The following BRD2 variants were observed in gnomAD, a reference collection of about 807,000 sequenced individuals.
BRD2 encodes bromodomain containing 2.
A neutral mutation model predicts 79.1 loss-of-function variants in BRD2; 15 were observed. The ratio of observed to expected loss-of-function variants is 0.19; its 90% CI spans 0.13 to 0.29. The LOEUF (loss-of-function observed/expected upper bound fraction) is 0.29. Ranked by LOEUF, BRD2 falls within the 10% of genes least tolerant of loss-of-function variation. The pLI is 1.00. For missense variants in BRD2, 1,053 were observed against 991.3 expected (o/e 1.06, Z -0.84); for synonymous variants, 488 against 358.6 (o/e 1.36, Z -4.08).
rs906795313 is a variant in BRD2, at chr6:32,978,113, T to A, written c.1579-13T>A. The A allele has an allele frequency of 1.9e-6, 3 of 1,595,398 alleles. No individual in the cohort carries two copies. The highest frequency in any genetic ancestry group is 2.3e-5 in the South Asian group (2 of 87,786). ...TTATTTACTTTTTCCACTTCATGTT[T>A]TTTTTCCTTTAGCTTCGGGCAGTAC... On this transcript the variant is annotated splice_polypyrimidine_tract_variant and intron_variant, in intron 9 of 12. Transcript: ENST00000374825.
rs1355949033 is a variant in BRD2 at position 32,978,134 on chromosome 6, A to T, written c.1587A>T (p.Ala529=). 1 of 1,608,422 alleles carries T rather than the reference A, an allele frequency of 6.2e-7. No individual in the cohort carries two copies. Among genetic ancestry groups the T allele is most frequent in the East Asian group, 2.2e-5 (1 of 44,854 alleles). ...RLAELQEQLR[A]VHEQLAALSQ... ...TGTTTTTTTTCCTTTAGCTTCGGGC[A>T]GTACATGAACAACTGGCTGCTCTGT... The change falls in exon 10 of 13, where the codon GCA becomes GCT. Residue 529 remains alanine, a synonymous_variant. Transcript: ENST00000374825.
chr6:32,973,216 G>A (rs1778268308), intron 2 of BRD2: 2 of 1,465,062 alleles, frequency 1.4e-6, no homozygotes, highest in Non-Finnish European at 1.8e-6. Context: ...GTGGAGTGAG[G>A]TTGAACAGCA....
In BRD2 at chr6:32,971,618, C is replaced by T; in HGVS notation, c.-1281C>T. ...AGATTCTTCGCTGCTGCTGCCTTACCGCCGAGAACCACCACCCGCCAGGCG... is the reference window on the plus strand; with the variant it reads ...AGATTCTTCGCTGCTGCTGCCTTACTGCCGAGAACCACCACCCGCCAGGCG... On this transcript the variant is annotated 5_prime_UTR_variant, in exon 2 of 13. Transcript: ENST00000374825. 2.2e-6 allele frequency: 1 copy of T among 448,794 alleles called. No homozygotes were observed. The allele number at this position is 448,794 out of a possible 1,614,324, so 27.8% of individuals were successfully genotyped here.
chr6:32,975,357 G>C, intron 3 of BRD2, 27 bp from the exon 4 acceptor site: 1 of 1,574,258 alleles, frequency 6.4e-7, no homozygotes, highest in Non-Finnish European at 8.7e-7. Flanking sequence ...TTTTTCTGTG[G>C]TTCTGACCTA....
intron 5 of BRD2, 32 bp from the exon 6 acceptor site, chr6:32,976,218 G>C (rs201759454): frequency 2.7e-5 from 44 of 1,610,818 alleles, no homozygotes; most frequent in Middle Eastern, 1.6e-4. Flanking sequence ...ATGGGGAAGA[G>C]AATCAAACTA....
chr6:32,977,613 A>G, intron 8 of BRD2, 43 bp downstream of exon 8: 1 of 1,610,264 alleles, frequency 6.2e-7, no homozygotes, highest in Non-Finnish European at 8.5e-7. Context: ...TGGTATGGGG[A>G]GTTATTTTGT....
intron 3 of BRD2, 47 bp downstream of exon 3, chr6:32,974,812 G>A (rs1200952796): frequency 1.9e-6 from 3 of 1,588,194 alleles, no homozygotes; most frequent in East Asian, 2.2e-5. Flanking sequence ...GAGCAAGAAT[G>A]CGTGTGAATG....
intron 11 of BRD2, 88 bp downstream of exon 11, chr6:32,980,220 C>G (rs1779338887): frequency 6.4e-7 from 1 of 1,574,604 alleles, no homozygotes; most frequent in Non-Finnish European, 8.6e-7. Flanking sequence ...TTGTCAGCTC[C>G]CAGGATAATG....
In BRD2 at chr6:32,976,686, G is replaced by C; in HGVS notation, c.950G>C (p.Arg317Pro). 1 of 1,613,160 alleles carries C rather than the reference G, an allele frequency of 6.2e-7. No homozygotes were observed. ...EPKAARLPPMRRESGRPIKPP... is the reference protein window; with the variant it reads ...EPKAARLPPMPRESGRPIKPP... Reference sequence around the variant, plus strand: ...AAGGCAGCACGGCTTCCCCCTATGCGTAGAGAGAGTGGTCGCCCCATCAAG... The same window carrying C: ...AAGGCAGCACGGCTTCCCCCTATGCCTAGAGAGAGTGGTCGCCCCATCAAG... Residue 317 changes from arginine to proline, a missense_variant, in exon 7 of 13, where the codon CGT (arginine) becomes CCT (proline). Arg to Pro is a moderately radical substitution (Grantham distance 103, BLOSUM62 -2). Transcript: ENST00000374825.
At position 32,981,174 on chromosome 6, in the gene BRD2, A is replaced by AT. The variant is rs3841159; in HGVS notation, c.*467dup. ...AAGGGGGAGCTCTTTTTTTACGTTG[A>AT]TTTTTTTTTTTCTACTCTGTTTTCC... On this transcript the variant is annotated 3_prime_UTR_variant, in exon 13 of 13. Coordinates refer to ENST00000374825, the MANE Select transcript of BRD2 (RefSeq NM_005104.4). 6,742 of 149,402 alleles carry AT rather than the reference A, an allele frequency of 0.045. 165 individuals carry two copies. Among genetic ancestry groups the AT allele is most frequent in the Non-Finnish European group, 0.061 (4,126 of 67,990 alleles). The allele number at this position is 149,402 out of a possible 1,614,324, so 9.3% of individuals were successfully genotyped here. A position where few individuals can be genotyped will look rare whatever the true frequency, so the allele number is the denominator to read the frequency against.
chr6:32,980,610 A>G lies in BRD2; in HGVS notation c.2298A>G (p.Ala766=), dbSNP rs766407099. Residue 766 remains alanine (A), a synonymous_variant, in exon 13 of 13, where the codon GCA becomes GCG. Coordinates refer to ENST00000374825, the MANE Select transcript of BRD2 (RefSeq NM_005104.4). ...ATGAGAAAACAGAGTCATCCTCTGC[A>G]CAGCAAGTAGCAGTGTCACGCCTTA... ...KANEKTESSS[A]QQVAVSRLSA... 1.2e-6 allele frequency: 2 copies of G among 1,613,166 alleles called. No individual in the cohort carries two copies. Among genetic ancestry groups the G allele is most frequent in the Non-Finnish European group, 8.5e-7 (1 of 1,180,050 alleles).
rs1259576312 is a variant in BRD2, at chr6:32,976,311, A to G, written c.672A>G (p.Thr224=). 6 of 1,613,020 alleles carry G rather than the reference A, an allele frequency of 3.7e-6. No individual in the cohort carries two copies. The African/African-American group carries it at 8.0e-5, about 22-fold the overall frequency. ...CTGCCGTCTCTTCTGTGTCACACAC[A>G]GCCCTGTATACTCCTCCACCTGAGA... ...QVPAVSSVSH[T]ALYTPPPEIP... is the part of the protein sequence containing the mutation. Residue 224 remains threonine, a synonymous_variant, in exon 6 of 13, where the codon ACA becomes ACG. Coordinates refer to ENST00000374825, the MANE Select transcript of BRD2 (RefSeq NM_005104.4).
chr6:32,976,804 T>G lies in BRD2; in HGVS notation c.1068T>G (p.Ile356Met), dbSNP rs1459643216. The change falls in exon 7 of 13, where the codon ATT becomes ATG. Residue 356 changes from isoleucine (I) to methionine (M), a missense_variant. Around this residue, in one of 5 missense-constraint regions of BRD2, gnomAD observed 454 missense variants for 430.5 expected, o/e 1.05. Coordinates refer to ENST00000374825, the MANE Select transcript of BRD2 (RefSeq NM_005104.4). ...AACAGTTAAAACATTGCAATGGCAT[T>G]TTGAAGGAGTTACTCTCTAAGAAGC... ...LSEQLKHCNG[I>M]LKELLSKKHA... 6.2e-7 allele frequency: 1 copy of G among 1,613,172 alleles called. No individual in the cohort carries two copies. The highest frequency in any genetic ancestry group is 1.1e-5 in the South Asian group (1 of 91,086).
chr6:32,981,498 T>C lies in BRD2; in HGVS notation c.*780T>C, dbSNP rs1386055065. On this transcript the variant is annotated 3_prime_UTR_variant, in exon 13 of 13. Transcript: ENST00000374825. The stretch of plus-strand genomic sequence containing the variant: ...TTTAATAAAGTAAATATGACTTTTG[T>C]AAATTGAGTCCTTAGAAGTAATCTT... 3.3e-5 allele frequency: 5 copies of C among 152,216 alleles called. No individual in the cohort carries two copies. 9.4% of individuals were successfully genotyped at this position (152,216 alleles called of 1,614,324 possible). A position where few individuals can be genotyped will look rare whatever the true frequency, so the allele number is the denominator to read the frequency against.
intron 10 of BRD2, 103 bp downstream of exon 10, chr6:32,978,491 A>T (rs1161324239): frequency 6.6e-7 from 1 of 1,521,646 alleles, no homozygotes; most frequent in Non-Finnish European, 8.8e-7. Context: ...GTTAACAGAT[A>T]CAATAGGCTT....
intron 3 of BRD2, chr6:32,975,102 C>G: frequency 6.6e-7 from 1 of 1,510,320 alleles, no homozygotes; most frequent in Non-Finnish European, 8.8e-7. Context: ...CATGGATAGC[C>G]AGCCCCAGAG....
At position 32,980,015 on chromosome 6, in the gene BRD2, C is replaced by T. The variant is rs1779315633; in HGVS notation, c.2029C>T (p.Arg677Cys). 1 of 1,613,090 alleles carries T rather than the reference C, an allele frequency of 6.2e-7. No homozygotes were observed. Among genetic ancestry groups the T allele is most frequent in the Non-Finnish European group, 8.5e-7 (1 of 1,180,018 alleles). The part of the protein sequence containing the change: ...HIIQAREPSL[R>C]DSNPEEIEID... ...AATCCAAGCCAGGGAGCCCTCTTTACGTGATTCAAACCCAGAAGAGATTGA... is the reference window on the plus strand; with the variant it reads ...AATCCAAGCCAGGGAGCCCTCTTTATGTGATTCAAACCCAGAAGAGATTGA... The change falls in exon 11 of 13, where the codon CGT becomes TGT. Residue 677 changes from arginine to cysteine, a missense_variant. Transcript: ENST00000374825.
intron 1 of BRD2, among the ~76,000 whole-genome samples, chr6:32,969,768 T>G (rs1341114739): frequency 6.6e-6 from 1 of 152,062 alleles, no homozygotes; most frequent in Admixed American, 6.5e-5. Flanking sequence ...GTGCTGGCAG[T>G]AGGGGGTCTA....
Position 32,976,799 on chromosome 6 carries a change from G to A in BRD2, c.1063G>A (p.Gly355Ser), listed in dbSNP as rs542055118. ...TTCAGAACAGTTAAAACATTGCAAT[G>A]GCATTTTGAAGGAGTTACTCTCTAA... ...KLSEQLKHCN[G>S]ILKELLSKKH... Residue 355 changes from glycine to serine, a missense_variant, in exon 7 of 13, where the codon GGC (glycine) becomes AGC (serine). By Grantham distance (56) the Gly-to-Ser change is moderately conservative. Transcript: ENST00000374825. 5 of 1,613,204 alleles carry A rather than the reference G, an allele frequency of 3.1e-6. No homozygotes were observed. The highest frequency in any genetic ancestry group is 4.2e-6 in the Non-Finnish European group (5 of 1,180,034).
Sources: allele counts gnomAD v4.1 joint callset (sites outside exome capture counted in the v4.1 genomes callset), GRCh38; gene constraint gnomAD v4.1.1; regional missense constraint gnomAD v4.1.1; transcripts MANE v1.5; gene names NCBI Gene and HGNC (gene_info 2026-07-23, HGNC 2026-07-21).